The following MRPS27 variants were observed in gnomAD, a reference collection of about 807,000 sequenced individuals.
The protein encoded by MRPS27 is small ribosomal subunit protein mS27.
Under a neutral mutation model 48.9 loss-of-function variants are expected in MRPS27, and 43 were observed. The ratio of observed to expected loss-of-function variants is 0.88; its 90% CI spans 0.69 to 1.13. The LOEUF is 1.13. MRPS27 is among the 50% of genes most tolerant of loss of function. The pLI, the probability that MRPS27 is intolerant of heterozygous loss-of-function variation, is 0.00. For synonymous variants in MRPS27, 188 were observed against 171.9 expected (o/e 1.09, Z -0.73); for missense variants, 467 against 476.3 (o/e 0.98, Z 0.18).
At chr5:72,238,584 G>A (rs1748268134) in intron 4 of MRPS27, among the ~76,000 whole-genome samples, 1 of 152,120 alleles carries the variant, frequency 6.6e-6, no homozygotes, top group Non-Finnish European at 1.5e-5. Context: ...TACTTCCTGT[G>A]GCTCTTAGGA....
intron 4 of MRPS27, among the ~76,000 whole-genome samples, chr5:72,277,892 A>G (rs1234322516): frequency 6.6e-6 from 1 of 152,140 alleles, no homozygotes; most frequent in Non-Finnish European, 1.5e-5. Context: ...CAATGAGAAC[A>G]CTTGGACACA....
intron 4 of MRPS27, among the ~76,000 whole-genome samples, chr5:72,242,808 T>C (rs1748397217): frequency 6.6e-6 from 1 of 152,224 alleles, no homozygotes; most frequent in Admixed American, 6.5e-5. Flanking sequence ...TTTGTTATTG[T>C]TGAACGGCTA....
At chr5:72,248,994 T>A (rs546467702) in intron 4 of MRPS27, among the ~76,000 whole-genome samples, 1 of 152,214 alleles carries the variant, frequency 6.6e-6, no homozygotes, top group Non-Finnish European at 1.5e-5. Context: ...GGGTGGGAGC[T>A]TGTCCTTTAT....
chr5:72,230,937 G>A (rs1307261546), intron 7 of MRPS27, among the ~76,000 whole-genome samples: 1 of 151,734 alleles, frequency 6.6e-6, no homozygotes, highest in African/African-American at 2.4e-5. Context: ...ATCATATCCT[G>A]GTCTCTATGC....
intron 4 of MRPS27, among the ~76,000 whole-genome samples, chr5:72,251,106 G>A (rs762172447): frequency 2.6e-5 from 4 of 152,204 alleles, no homozygotes; most frequent in Non-Finnish European, 5.9e-5. Flanking sequence ...ACTGAGTTAA[G>A]TATGAACTCT....
At chr5:72,261,087 C>T (rs753901561) in intron 4 of MRPS27, among the ~76,000 whole-genome samples, 1 of 152,270 alleles carries the variant, frequency 6.6e-6, no homozygotes, top group East Asian at 1.9e-4. Context: ...TGGTCTCGAA[C>T]TCCTGGCCTC....
intron 8 of MRPS27, chr5:72,227,175 C>A (rs1747922774): frequency 6.6e-6 from 1 of 152,244 alleles, no homozygotes; most frequent in Non-Finnish European, 1.5e-5. Flanking sequence ...GCTGCTATCA[C>A]AAAGAACCAG....
chr5:72,290,180 A>G (rs1749782795), intron 4 of MRPS27, among the ~76,000 whole-genome samples: 1 of 152,212 alleles, frequency 6.6e-6, no homozygotes, highest in South Asian at 2.1e-4. Context: ...GGCAGTATAC[A>G]TTGGGCATGT....
intron 2 of MRPS27, among the ~76,000 whole-genome samples, chr5:72,304,255 A>G (rs1386523252): frequency 1.3e-5 from 2 of 152,120 alleles, no homozygotes; most frequent in Non-Finnish European, 2.9e-5. Context: ...AAAAACAAAA[A>G]CAATCCAAAA....
At chr5:72,277,335 C>G (rs963152957) in intron 4 of MRPS27, among the ~76,000 whole-genome samples, 1 of 152,112 alleles carries the variant, frequency 6.6e-6, no homozygotes, top group Non-Finnish European at 1.5e-5. Flanking sequence ...ACCAGAAATA[C>G]CATTTGACCC....
chr5:72,310,175 A>T (rs1750406338), intron 2 of MRPS27, among the ~76,000 whole-genome samples: 1 of 152,226 alleles, frequency 6.6e-6, no homozygotes, highest in African/African-American at 2.4e-5. Context: ...GTTTATGTGT[A>T]TGTGCATTCA....
chr5:72,270,288 A>G (rs574153273), intron 4 of MRPS27, among the ~76,000 whole-genome samples: 1 of 150,584 alleles, frequency 6.6e-6, no homozygotes, highest in African/African-American at 2.4e-5. Context: ...ATAAAAAAAG[A>G]AAAAATACTC....
chr5:72,239,736 T>C (rs1322706115), intron 4 of MRPS27, among the ~76,000 whole-genome samples: 2 of 152,148 alleles, frequency 1.3e-5, no homozygotes, highest in Admixed American at 1.3e-4. Flanking sequence ...AGTGCAGTGG[T>C]GCAATCCTAG....
chr5:72,242,706 A>ACACT (rs1393997554), intron 4 of MRPS27, among the ~76,000 whole-genome samples: 6 of 137,226 alleles, frequency 4.4e-5, no homozygotes, highest in African/African-American at 1.6e-4. Flanking sequence ...ACACACACAC[A>ACACT]CTCACGGCAC....
chr5:72,238,947 T>G (rs1056479576), intron 4 of MRPS27, among the ~76,000 whole-genome samples: 1 of 151,894 alleles, frequency 6.6e-6, no homozygotes, highest in African/African-American at 2.4e-5. Context: ...GACTGGAGAT[T>G]GAGCTGCGAG....
intron 3 of MRPS27, 85 bp from the exon 4 acceptor site, chr5:72,295,674 G>T (rs1749959272): frequency 1.1e-6 from 1 of 950,264 alleles, no homozygotes; most frequent in African/African-American, 1.6e-5. Flanking sequence ...ATTGACCTTA[G>T]AAAACACAGG....
chr5:72,286,159 C>T (rs1379687412), intron 4 of MRPS27, among the ~76,000 whole-genome samples: 1 of 152,032 alleles, frequency 6.6e-6, no homozygotes, highest in Non-Finnish European at 1.5e-5. Flanking sequence ...TTCCTAATGT[C>T]TCTATATTAA....
At chr5:72,250,217 T>A (rs1748628526) in intron 4 of MRPS27, among the ~76,000 whole-genome samples, 1 of 152,238 alleles carries the variant, frequency 6.6e-6, no homozygotes, top group African/African-American at 2.4e-5. Flanking sequence ...TTTCCTTGGG[T>A]ATATTTAAGA....
At chr5:72,250,489 G>A (rs543825685) in intron 4 of MRPS27, among the ~76,000 whole-genome samples, 1 of 152,282 alleles carries the variant, frequency 6.6e-6, no homozygotes, top group East Asian at 1.9e-4. Flanking sequence ...AGACATGAGA[G>A]AGGACTCGAT....
Sources: gnomAD v4.1 joint callset for allele counts (sites outside exome capture counted in the v4.1 genomes callset) on GRCh38, gnomAD v4.1.1 for gene constraint, MANE v1.5 for transcripts, NCBI Gene and HGNC (gene_info 2026-07-23, HGNC 2026-07-21) for gene names.